COL6A2: variants seen among roughly 807,000 people sequenced by gnomAD.
COL6A2 encodes collagen type VI alpha 2 chain.
In COL6A2, 90 loss-of-function variants were observed where a neutral mutation model predicts 124.9. The ratio of observed to expected loss-of-function variants is 0.72; its 90% CI spans 0.61 to 0.86. The LOEUF is 0.86. Among genes scored for constraint, COL6A2 ranks in the 40% least tolerant of loss-of-function variants. The probability of loss-of-function intolerance (pLI) is 0.00; values close to 1 mark genes in which losing one functional copy is unlikely to be tolerated. For missense variants in COL6A2, 1,607 were observed against 1,502.5 expected (o/e 1.07, Z -1.15); for synonymous variants, 793 against 618.2 (o/e 1.28, Z -4.19).
At position 46,126,100 on chromosome 21, in the gene COL6A2, T is replaced by TG. The variant is rs2078662201; in HGVS notation, c.2286dup (p.Phe763ValfsTer8). The TG allele has an allele frequency of 6.2e-7, 1 of 1,612,670 alleles. No homozygotes were observed. On this transcript the variant is annotated frameshift_variant, in exon 26 of 28. Coordinates refer to ENST00000300527, the MANE Select transcript of COL6A2 (RefSeq NM_001849.4). LOFTEE classifies it high-confidence loss of function. ...GTGACGGCCATCGGCATCGGGGACA[T>TG]GTTCCACGAGAAGCACGAGAGTGAA...
rs1454103225 is a variant in COL6A2, at chr21:46,114,017, G to A, written c.745G>A (p.Val249Met). 8.1e-6 allele frequency: 13 copies of A among 1,613,766 alleles called. No individual in the cohort carries two copies. The highest frequency in any genetic ancestry group is 1.1e-5 in the Non-Finnish European group (13 of 1,179,988). ...TGCTTCCTCGTTTCAGTGCTACAAG[G>A]TGAGCTGCCTGGAAATCCCTGGGCC... is the stretch of plus-strand genomic sequence containing the variant. The part of the protein sequence containing the change: ...KHEAYGECYK[V>M]SCLEIPGPSG... The change falls in exon 5 of 28, where the codon GTG (valine) becomes ATG (methionine). Residue 249 changes from valine (V) to methionine (M), a missense_variant. By Grantham distance (21) the Val-to-Met change is conservative. Around this residue, in one of 3 missense-constraint regions of COL6A2, gnomAD observed 342 missense variants for 381.5 expected, o/e 0.90. Transcript: ENST00000300527.
chr21:46,131,279 G>T (rs1027250504), intron 27 of COL6A2, among the ~76,000 whole-genome samples: 1 of 152,248 alleles, frequency 6.6e-6, no homozygotes, highest in South Asian at 2.1e-4. Flanking sequence ...CTGGGTTGTG[G>T]CTATGGCCAG....
At chr21:46,101,550 A>C (rs1037615674) in intron 1 of COL6A2, among the ~76,000 whole-genome samples, 1 of 152,138 alleles carries the variant, frequency 6.6e-6, no homozygotes, top group Non-Finnish European at 1.5e-5. Flanking sequence ...AAACGTAAAG[A>C]TCCATTTTGA....
At position 46,116,479 on chromosome 21, in the gene COL6A2, C is replaced by T; in HGVS notation, c.927+76C>T. The T allele has an allele frequency of 1.4e-5, 22 of 1,592,728 alleles. No individual in the cohort carries two copies. Among genetic ancestry groups the T allele is most frequent in the Non-Finnish European group, 1.9e-5 (22 of 1,163,544 alleles). ...ACCCACCTCTTGGCGTCCGCCGCAGCCTGTCACTGCTCCTGGGGCACCGGC... is the reference window on the plus strand; with the variant it reads ...ACCCACCTCTTGGCGTCCGCCGCAGTCTGTCACTGCTCCTGGGGCACCGGC... On this transcript the variant is annotated intron_variant, in intron 8 of 27. Coordinates refer to ENST00000300527, the MANE Select transcript of COL6A2 (RefSeq NM_001849.4). The surrounding 1 kb of genome is among the most constrained non-coding windows in gnomAD (Gnocchi z 4.6).
At chr21:46,101,986 TC>T (rs1294740334) in intron 1 of COL6A2, among the ~76,000 whole-genome samples, 1 of 150,938 alleles carries the variant, frequency 6.6e-6, no homozygotes, top group African/African-American at 2.4e-5. Context: ...AACCTCTAGA[TC>T]AATTTGGGTG....
chr21:46,129,614 G>A, intron 27 of COL6A2: 1 of 1,432,786 alleles, frequency 7.0e-7, no homozygotes, highest in Non-Finnish European at 9.1e-7. Flanking sequence ...CGGGGCTACA[G>A]TCCTTCCAGG....
At chr21:46,110,965 C>T (rs2078390069) in intron 1 of COL6A2, among the ~76,000 whole-genome samples, 1 of 152,208 alleles carries the variant, frequency 6.6e-6, no homozygotes, top group Non-Finnish European at 1.5e-5. Flanking sequence ...CCCTCCTTAT[C>T]AAAGTCCTGT....
chr21:46,121,031 A>T, intron 16 of COL6A2, 30 bp from the exon 17 acceptor site: 1 of 1,609,754 alleles, frequency 6.2e-7, no homozygotes, highest in Non-Finnish European at 8.5e-7. Context: ...GTCAGTCAAG[A>T]GAACCCCAAA....
In COL6A2 at chr21:46,122,133, G is replaced by A. The variant is rs1490477042; in HGVS notation, c.1547G>A (p.Ser516Asn). The change falls in exon 19 of 28, where the codon AGC (serine) becomes AAC (asparagine). Residue 516 changes from serine (S) to asparagine (N), a missense_variant. Transcript: ENST00000300527. ...PKGDPGRPGF[S>N]YPGPRGAPGE... ...GGAGACCCCGGCAGGCCTGGATTCA[G>A]CTACCCAGGACCCCGAGGAGCACCC... is the stretch of plus-strand genomic sequence containing the variant. The A allele has an allele frequency of 6.2e-7, 1 of 1,612,752 alleles. No homozygotes were observed. The highest frequency in any genetic ancestry group is 8.5e-7 in the Non-Finnish European group (1 of 1,179,992).
At chr21:46,117,709 C>T (rs976022916) in intron 11 of COL6A2, among the ~76,000 whole-genome samples, 165 bp from the exon 12 acceptor site, 3 of 152,034 alleles carry the variant, frequency 2.0e-5, no homozygotes, top group African/African-American at 4.8e-5. Flanking sequence ...AGCTCCATTT[C>T]CCTGAGCAGC....
chr21:46,115,659 A>C (rs2078459372), intron 5 of COL6A2, among the ~76,000 whole-genome samples: 1 of 152,158 alleles, frequency 6.6e-6, no homozygotes, highest in Non-Finnish European at 1.5e-5. Flanking sequence ...CTTTGTGGGA[A>C]GCTTCCCTCA....
In COL6A2 at chr21:46,126,349, C is replaced by T. The variant is rs79666692; in HGVS notation, c.2422+112C>T. On this transcript the variant is annotated intron_variant, in intron 26 of 27. Transcript: ENST00000300527. The stretch of plus-strand genomic sequence containing the variant: ...GAGGGATGAATGTGCAGCCCAGGAT[C>T]TTGGGCTGTGGGTGGGAAGGGGTCG... 2.0e-6 allele frequency: 3 copies of T among 1,513,026 alleles called. No individual in the cohort carries two copies. In the African/African-American group the frequency reaches 4.1e-5, roughly 21 times the overall value. 93.7% of individuals were successfully genotyped at this position (1,513,026 alleles called of 1,614,324 possible).
rs147199350 is a variant in COL6A2 at position 46,131,976 on chromosome 21, G to T, written c.2484G>T (p.Thr828=). Residue 828 remains threonine, a synonymous_variant, in exon 28 of 28, where the codon ACG becomes ACT. Coordinates refer to ENST00000300527, the MANE Select transcript of COL6A2 (RefSeq NM_001849.4). ...CAGAGCTGTCCGTGGCACAGTGCAC[G>T]CAGCGGCCCGTGGACATCGTCTTCC... ...CQTELSVAQC[T]QRPVDIVFLL... 5.0e-6 allele frequency: 8 copies of T among 1,607,918 alleles called. No individual in the cohort carries two copies. In the South Asian group the frequency reaches 7.7e-5, roughly 16 times the overall value.
chr21:46,102,465 T>C (rs2078297669), intron 1 of COL6A2, among the ~76,000 whole-genome samples: 2 of 152,220 alleles, frequency 1.3e-5, no homozygotes, highest in African/African-American at 2.4e-5. Context: ...CCTTCCTTTA[T>C]TTCTGACCTT....
In COL6A2 at chr21:46,125,485, G is replaced by T. The variant is rs146949791; in HGVS notation, c.1837G>T (p.Ala613Ser). ...GCCDCEKRCG[A>S]LDVVFVIDSS... ...CCCAGACTGTGAGAAGCGCTGTGGC[G>T]CCCTGGACGTGGTCTTCGTCATCGA... The change falls in exon 25 of 28, where the codon GCC (alanine) becomes TCC (serine). Residue 613 changes from alanine to serine, a missense_variant. Around this residue, in one of 3 missense-constraint regions of COL6A2, gnomAD observed 1,223 missense variants for 1,052.2 expected, o/e 1.16. Coordinates refer to ENST00000300527, the MANE Select transcript of COL6A2 (RefSeq NM_001849.4). The T allele has an allele frequency of 6.2e-6, 10 of 1,612,784 alleles. No homozygotes were observed. The East Asian group carries it at 6.7e-5, about 11-fold the overall frequency.
At position 46,131,964 on chromosome 21, in the gene COL6A2, G is replaced by A. The variant is rs1484313723; in HGVS notation, c.2472G>A (p.Val824=). Residue 824 remains valine (V), a synonymous_variant, in exon 28 of 28, where the codon GTG becomes GTA. Transcript: ENST00000300527. ...TGCGTCTCCCCACAGAGCTGTCCGT[G>A]GCACAGTGCACGCAGCGGCCCGTGG... The part of the protein sequence containing the change: ...PDLPCQTELS[V]AQCTQRPVDI... The A allele has an allele frequency of 1.2e-6, 2 of 1,604,328 alleles. No homozygotes were observed. The highest frequency in any genetic ancestry group is 2.7e-5 in the African/African-American group (2 of 74,796).
chr21:46,115,829 C>T (rs770259974), intron 5 of COL6A2, 43 bp from the exon 6 acceptor site: 1 of 1,597,800 alleles, frequency 6.3e-7, no homozygotes, highest in East Asian at 2.2e-5. Context: ...CTGCCTACCG[C>T]CCACCCTACC....
At chr21:46,113,500 C>T (rs1368448013) in intron 4 of COL6A2, 1 of 154,734 alleles carries the variant, frequency 6.5e-6, no homozygotes, top group East Asian at 2.0e-4. Context: ...CCTCAGCCTC[C>T]CAAGTAGCTG....
Position 46,125,511 on chromosome 21 carries a change from C to T in COL6A2, c.1863C>T (p.Asp621=), listed in dbSNP as rs772785629. 8 of 1,612,924 alleles carry T rather than the reference C, an allele frequency of 5.0e-6. No individual in the cohort carries two copies. The East Asian group carries it at 1.3e-4, about 27-fold the overall frequency. Reference sequence around the variant, plus strand: ...CCCTGGACGTGGTCTTCGTCATCGACAGCTCCGAGAGCATTGGGTACACCA... The same window carrying T: ...CCCTGGACGTGGTCTTCGTCATCGATAGCTCCGAGAGCATTGGGTACACCA... ...CGALDVVFVI[D]SSESIGYTNF... is the part of the protein sequence containing the mutation. The change falls in exon 25 of 28, where the codon GAC becomes GAT. Residue 621 remains aspartate, a synonymous_variant. Transcript: ENST00000300527.
Sources: gnomAD v4.1 joint callset for allele counts (sites outside exome capture counted in the v4.1 genomes callset) on GRCh38, gnomAD v4.1.1 for gene constraint, gnomAD v4.1.1 regional missense constraint, Gnocchi (gnomAD v3.1) non-coding constraint, MANE v1.5 for transcripts, NCBI Gene and HGNC (gene_info 2026-07-23, HGNC 2026-07-21) for gene names.